The following DOCK5 variants were observed in gnomAD, a reference collection of about 807,000 sequenced individuals.
DOCK5 encodes the protein dedicator of cytokinesis protein 5.
In DOCK5, 142 loss-of-function variants were observed where a neutral mutation model predicts 251.8. The observed-to-expected ratio is 0.56, with a 90% CI of 0.49 to 0.65. The LOEUF (loss-of-function observed/expected upper bound fraction) is 0.65, where lower values mean the gene tolerates loss of function less well. Among genes scored for constraint, DOCK5 ranks in the 30% least tolerant of loss-of-function variants. DOCK5 has a pLI of 0.00. For synonymous variants in DOCK5, 842 were observed against 835.5 expected (o/e 1.01, Z -0.13); for missense variants, 2,111 against 2,312.3 (o/e 0.91, Z 1.79).
Position 25,410,137 on chromosome 8 carries a change from C to T in DOCK5, c.5443C>T (p.Pro1815Ser), listed in dbSNP as rs987600093. 2 of 1,613,532 alleles carry T rather than the reference C, an allele frequency of 1.2e-6. No individual in the cohort carries two copies. The highest frequency in any genetic ancestry group is 3.3e-5 in the Admixed American group (2 of 59,920). ...SLQTDGIAAT[P>S]VPPPPPPKSK... ...GCAGACAGATGGAATCGCGGCCACTCCTGTCCCACCTCCACCTCCCCCCAA... is the reference window on the plus strand; with the variant it reads ...GCAGACAGATGGAATCGCGGCCACTTCTGTCCCACCTCCACCTCCCCCCAA... The change falls in exon 51 of 52, where the codon CCT (proline) becomes TCT (serine). Residue 1815 changes from proline to serine, a missense_variant. Pro to Ser is a moderately conservative substitution (Grantham distance 74, BLOSUM62 -1). Around this residue, in one of 3 missense-constraint regions of DOCK5, gnomAD observed 1,717 missense variants for 1,892.4 expected, o/e 0.91. Coordinates refer to ENST00000276440, the MANE Select transcript of DOCK5 (RefSeq NM_024940.8).
At chr8:25,201,332 C>A (rs368863186) in intron 1 of DOCK5, among the ~76,000 whole-genome samples, 2 of 152,134 alleles carry the variant, frequency 1.3e-5, no homozygotes, top group Non-Finnish European at 2.9e-5. Flanking sequence ...CCATGACATA[C>A]AAAACACTAG....
intron 5 of DOCK5, among the ~76,000 whole-genome samples, chr8:25,282,252 T>C (rs1041293740): frequency 2.0e-5 from 3 of 152,000 alleles, no homozygotes; most frequent in African/African-American, 7.3e-5. Context: ...TCCTGTCCCT[T>C]CCTAAAGCAT....
At chr8:25,319,219 G>A (rs546640301) in intron 14 of DOCK5, among the ~76,000 whole-genome samples, 2 of 152,314 alleles carry the variant, frequency 1.3e-5, no homozygotes, top group African/African-American at 4.8e-5. Flanking sequence ...ATAGCGGCGC[G>A]TCTGCAGTTG....
At chr8:25,361,411 A>C (rs1185786320) in intron 28 of DOCK5, among the ~76,000 whole-genome samples, 2 of 152,056 alleles carry the variant, frequency 1.3e-5, no homozygotes, top group African/African-American at 4.8e-5. Flanking sequence ...GGAGTTCGAG[A>C]CCAGCCTAGC....
intron 2 of DOCK5, among the ~76,000 whole-genome samples, chr8:25,258,645 C>CTA (rs1304142928): frequency 6.6e-6 from 1 of 152,194 alleles, no homozygotes; most frequent in African/African-American, 2.4e-5. Flanking sequence ...TCAGACCCTG[C>CTA]TATCCAAGTG....
At chr8:25,348,723 A>G (rs1394589549) in intron 26 of DOCK5, among the ~76,000 whole-genome samples, 2 of 151,984 alleles carry the variant, frequency 1.3e-5, no homozygotes, top group African/African-American at 4.8e-5. Flanking sequence ...CTGTAACCCC[A>G]GCTACTCTGG....
intron 1 of DOCK5, among the ~76,000 whole-genome samples, chr8:25,214,794 G>C (rs1802195033): frequency 6.6e-6 from 1 of 152,204 alleles, no homozygotes; most frequent in African/African-American, 2.4e-5. Context: ...AGGATGTTGG[G>C]TTGTGACACG....
intron 9 of DOCK5, among the ~76,000 whole-genome samples, chr8:25,301,327 T>A (rs1175318708): frequency 6.6e-6 from 1 of 152,172 alleles, no homozygotes; most frequent in African/African-American, 2.4e-5. Flanking sequence ...AACAGAAGCC[T>A]TGCAGACCTA....
At chr8:25,260,443 A>G (rs1803548063) in intron 2 of DOCK5, among the ~76,000 whole-genome samples, 3 of 149,100 alleles carry the variant, frequency 2.0e-5, no homozygotes, top group African/African-American at 7.5e-5. Context: ...AAACTAATTT[A>G]TCTTGTGATC....
intron 1 of DOCK5, among the ~76,000 whole-genome samples, chr8:25,194,608 G>A (rs1464200227): frequency 6.6e-6 from 1 of 152,032 alleles, no homozygotes; most frequent in Non-Finnish European, 1.5e-5. Flanking sequence ...CACATGGATA[G>A]CCCCAGACCC....
rs1042575803 is a variant in DOCK5, at chr8:25,319,596, G to A, written c.1462G>A (p.Ala488Thr). The A allele has an allele frequency of 1.9e-6, 3 of 1,583,756 alleles. 1 individual carries two copies. Among genetic ancestry groups the A allele is most frequent in the South Asian group, 2.3e-5 (2 of 86,126 alleles). The change falls in exon 15 of 52, where the codon GCT becomes ACT. Residue 488 changes from alanine to threonine, a missense_variant. By Grantham distance (58) the Ala-to-Thr change is moderately conservative. Transcript: ENST00000276440. ...KLLEKAIHPG[A>T]GYEGISEYKS... ...TCTGAAGAAAGCAATTCACCCTGGTGCTGGATATGAAGGCATTTCAGAATA... is the reference window on the plus strand; with the variant it reads ...TCTGAAGAAAGCAATTCACCCTGGTACTGGATATGAAGGCATTTCAGAATA...
At chr8:25,403,401 T>C (rs1394432247) in intron 47 of DOCK5, among the ~76,000 whole-genome samples, 157 bp from the exon 48 acceptor site, 1 of 152,072 alleles carries the variant, frequency 6.6e-6, no homozygotes, top group Non-Finnish European at 1.5e-5. Flanking sequence ...TATTTAACAA[T>C]AGAGGCAGCA....
At chr8:25,245,673 G>A (rs1207511161) in intron 2 of DOCK5, among the ~76,000 whole-genome samples, 2 of 151,896 alleles carry the variant, frequency 1.3e-5, no homozygotes, top group African/African-American at 4.8e-5. Context: ...CTGAGTAGCT[G>A]AGATTACAGG....
chr8:25,218,738 G>T (rs1244085781), intron 1 of DOCK5, among the ~76,000 whole-genome samples: 2 of 152,232 alleles, frequency 1.3e-5, no homozygotes, highest in Admixed American at 6.5e-5. Flanking sequence ...ACTGTCTTGT[G>T]TGGAGCCTCT....
chr8:25,338,932 G>A (rs78180381), intron 22 of DOCK5, among the ~76,000 whole-genome samples: 1 of 152,320 alleles, frequency 6.6e-6, no homozygotes, highest in African/African-American at 2.4e-5. Flanking sequence ...AGTAAAGGAT[G>A]GTGAGTGTGG....
intron 5 of DOCK5, among the ~76,000 whole-genome samples, chr8:25,287,729 A>G (rs1410017689): frequency 6.6e-6 from 1 of 152,166 alleles, no homozygotes; most frequent in African/African-American, 2.4e-5. Flanking sequence ...ACAGTGGCGG[A>G]TAATGCAGAA....
In DOCK5 at chr8:25,323,885, C is replaced by T. The variant is rs146969490; in HGVS notation, c.1653C>T (p.Phe551=). 906 of 1,613,490 alleles carry T rather than the reference C, an allele frequency of 5.6e-4. 2 individuals carry two copies. The highest frequency in any genetic ancestry group is 4.1e-4 in the Non-Finnish European group (487 of 1,179,734). The change falls in exon 17 of 52, where the codon TTC becomes TTT. Residue 551 remains phenylalanine (F), a synonymous_variant. Coordinates refer to ENST00000276440, the MANE Select transcript of DOCK5 (RefSeq NM_024940.8). ...DKSERAFGVA[F]VKLMNPDGTT... ...CGGAGCGAGCATTTGGGGTGGCCTT[C>T]GTGAAGCTGATGAACCCGGATGGCA...
chr8:25,390,507 C>A (rs965965697), intron 42 of DOCK5, among the ~76,000 whole-genome samples: 2 of 152,182 alleles, frequency 1.3e-5, no homozygotes, highest in Non-Finnish European at 2.9e-5. Flanking sequence ...CAAAGCCTTA[C>A]ATTTATTACA....
Position 25,407,978 on chromosome 8 carries a change from A to AAT in DOCK5, c.5094-3_5094-2dup, listed in dbSNP as rs1443511091. 2 of 1,609,664 alleles carry AAT rather than the reference A, an allele frequency of 1.2e-6. No individual in the cohort carries two copies. Among genetic ancestry groups the AAT allele is most frequent in the Admixed American group, 1.7e-5 (1 of 59,110 alleles). ...GTGATGTTTGTCCTTGTTCCTGGCC[A>AAT]ATAGCTCAATCTTGGAGCCACTTTT... is the stretch of plus-strand genomic sequence containing the variant. On this transcript the variant is annotated splice_polypyrimidine_tract_variant and splice_region_variant and intron_variant, in intron 48 of 51. Coordinates refer to ENST00000276440, the MANE Select transcript of DOCK5 (RefSeq NM_024940.8).
Sources: gnomAD v4.1 joint callset for allele counts (sites outside exome capture counted in the v4.1 genomes callset) on GRCh38, gnomAD v4.1.1 for gene constraint, gnomAD v4.1.1 regional missense constraint, MANE v1.5 for transcripts, NCBI Gene and HGNC (gene_info 2026-07-23, HGNC 2026-07-21) for gene names.